The following HPR variants were observed in gnomAD, a reference collection of about 807,000 sequenced individuals.
The protein encoded by HPR is Haptoglobin-related locus.
HPR carries 17 observed loss-of-function variants against 18.5 expected under a neutral mutation model. The observed-to-expected ratio is 0.92, with a 90% CI of 0.63 to 1.38. The LOEUF is 1.38. HPR is among the 40% of genes most tolerant of loss of function. The pLI, the probability that HPR is intolerant of heterozygous loss-of-function variation, is 0.00. For missense variants in HPR, 457 were observed against 432.4 expected, an observed-to-expected ratio of 1.06 and a Z score of -0.51; for synonymous variants, 176 against 165.0, an observed-to-expected ratio of 1.07 and a Z score of -0.51.
At chr16:72,063,647 G>A (rs1294371395) in intron 1 of HPR, among the ~76,000 whole-genome samples, 1 of 152,084 alleles carries the variant, frequency 6.6e-6, no homozygotes, top group Admixed American at 6.6e-5. Flanking sequence ...TAATTGACTA[G>A]TACTTGGGAT....
At chr16:72,072,767 G>A (rs1274145358) in intron 1 of HPR, among the ~76,000 whole-genome samples, 2 of 152,084 alleles carry the variant, frequency 1.3e-5, no homozygotes, top group Non-Finnish European at 2.9e-5. Context: ...GTTCCAGTGA[G>A]CTTTTTCTTT....
At chr16:72,068,765 G>A (rs2041623857) in intron 1 of HPR, among the ~76,000 whole-genome samples, 1 of 151,980 alleles carries the variant, frequency 6.6e-6, no homozygotes, top group African/African-American at 2.4e-5. Context: ...TTAACCTTTG[G>A]GTGGAGATTA....
intron 1 of HPR, among the ~76,000 whole-genome samples, chr16:72,072,417 G>A (rs779543297): frequency 2.0e-5 from 3 of 152,162 alleles, no homozygotes; most frequent in Non-Finnish European, 2.9e-5. Context: ...TGATACCAGC[G>A]AAAGAGGGTG....
At chr16:72,069,532 C>T (rs576977123) in intron 1 of HPR, among the ~76,000 whole-genome samples, 8 of 152,176 alleles carry the variant, frequency 5.3e-5, no homozygotes, top group East Asian at 1.9e-4. Context: ...AGAATGAAAA[C>T]GGCTGTTACT....
chr16:72,074,336 G>A lies in HPR; in HGVS notation c.144G>A (p.Leu48=). The A allele has an allele frequency of 6.2e-7, 1 of 1,614,110 alleles. No homozygotes were observed. Among genetic ancestry groups the A allele is most frequent in the Non-Finnish European group, 8.5e-7 (1 of 1,180,018 alleles). Residue 48 remains leucine (L), a synonymous_variant, in exon 3 of 5, where the codon TTG becomes TTA. Transcript: ENST00000540303. The stretch of plus-strand genomic sequence containing the variant: ...TTGCAAATGGCTATGTGGAGCACTT[G>A]TTTCGCTACCAGTGTAAGAACTACT... ...PEIANGYVEH[L]FRYQCKNYYR...
At chr16:72,075,303 T>C in intron 4 of HPR, 84 bp downstream of exon 4, 3 of 689,108 alleles carry the variant, frequency 4.4e-6, no homozygotes, top group Non-Finnish European at 7.6e-6. Flanking sequence ...CCAGTGCGGC[T>C]TCCTCTGAGC....
intron 1 of HPR, among the ~76,000 whole-genome samples, chr16:72,069,136 A>C (rs2041628883): frequency 6.6e-6 from 1 of 152,140 alleles, no homozygotes; most frequent in Non-Finnish European, 1.5e-5. Context: ...CAAGCCTTAA[A>C]GCACTTGCAA....
At chr16:72,067,044 T>G (rs999832645) in intron 1 of HPR, among the ~76,000 whole-genome samples, 2 of 151,854 alleles carry the variant, frequency 1.3e-5, no homozygotes, top group African/African-American at 4.8e-5. Flanking sequence ...ATCCCAAAAC[T>G]GAGAGAGGGG....
At chr16:72,070,540 T>C (rs1344519693) in intron 1 of HPR, among the ~76,000 whole-genome samples, 1 of 152,182 alleles carries the variant, frequency 6.6e-6, no homozygotes, top group African/African-American at 2.4e-5. Context: ...AAAAAGGCGC[T>C]GCCACCTCCA....
chr16:72,064,915 T>G (rs1447779042), intron 1 of HPR, among the ~76,000 whole-genome samples: 1 of 152,182 alleles, frequency 6.6e-6, no homozygotes, highest in Non-Finnish European at 1.5e-5. Flanking sequence ...GTCTGATGAA[T>G]AACCCCAGAC....
In HPR at chr16:72,074,431, T is replaced by G. The variant is rs1160204344; in HGVS notation, c.193+46T>G. 2.7e-6 allele frequency: 4 copies of G among 1,463,690 alleles called. No individual in the cohort carries two copies. In the African/African-American group the frequency reaches 5.5e-5, roughly 20 times the overall value. The allele number at this position is 1,463,690 out of a possible 1,614,324, so 90.7% of individuals were successfully genotyped here. ...TCTGTGCTCTACCTACAACCCCTGC[T>G]CTGACATTTCCATGATGGGTGGTGC... On this transcript the variant is annotated intron_variant, in intron 3 of 4. Transcript: ENST00000540303.
chr16:72,074,079 C>T (rs1045626530), intron 2 of HPR, 102 bp downstream of exon 2: 1 of 1,489,852 alleles, frequency 6.7e-7, no homozygotes, highest in African/African-American at 1.4e-5. Flanking sequence ...CACAGTTCCC[C>T]ATTCTTATCC....
chr16:72,065,614 C>G (rs2041589781), intron 1 of HPR, among the ~76,000 whole-genome samples: 1 of 152,150 alleles, frequency 6.6e-6, no homozygotes. Context: ...GACCCAAGGT[C>G]CCATCCTCAA....
At chr16:72,065,332 T>A (rs1222245460) in intron 1 of HPR, among the ~76,000 whole-genome samples, 1 of 151,494 alleles carries the variant, frequency 6.6e-6, no homozygotes, top group Non-Finnish European at 1.5e-5. Context: ...CACAGAAAGC[T>A]CCAGACAGAT....
chr16:72,066,845 C>A (rs535485919), intron 1 of HPR, among the ~76,000 whole-genome samples: 2 of 152,212 alleles, frequency 1.3e-5, no homozygotes, highest in South Asian at 4.1e-4. Context: ...AAGTCAAAAC[C>A]AATGTTATCT....
At chr16:72,067,368 G>A (rs1206831263) in intron 1 of HPR, among the ~76,000 whole-genome samples, 2 of 152,106 alleles carry the variant, frequency 1.3e-5, no homozygotes, top group Non-Finnish European at 2.9e-5. Flanking sequence ...AAGGATTTAC[G>A]GTGAGAATCT....
intron 1 of HPR, among the ~76,000 whole-genome samples, chr16:72,067,278 G>A (rs1256346145): frequency 2.6e-5 from 4 of 152,098 alleles, no homozygotes; most frequent in African/African-American, 7.2e-5. Flanking sequence ...ATTCAGGAGC[G>A]GCCTGTTCCT....
chr16:72,068,191 C>G (rs560703831), intron 1 of HPR, among the ~76,000 whole-genome samples: 1 of 152,176 alleles, frequency 6.6e-6, no homozygotes, highest in South Asian at 2.1e-4. Flanking sequence ...GCTGGCTTCT[C>G]TACACATATT....
rs750711817 is a variant in HPR at position 72,076,700 on chromosome 16, C to T, written c.666C>T (p.Tyr222=). ...KNYAEVGRVG[Y]VSGWGQSDNF... Reference sequence around the variant, plus strand: ...ATGCAGAAGTAGGGCGTGTGGGTTACGTGTCTGGCTGGGGACAAAGTGACA... The same window carrying T: ...ATGCAGAAGTAGGGCGTGTGGGTTATGTGTCTGGCTGGGGACAAAGTGACA... The change falls in exon 5 of 5, where the codon TAC becomes TAT. Residue 222 remains tyrosine, a synonymous_variant. Coordinates refer to ENST00000540303, the MANE Select transcript of HPR (RefSeq NM_020995.4). The T allele has an allele frequency of 3.7e-5, 59 of 1,614,058 alleles. 1 individual carries two copies. The highest frequency in any genetic ancestry group is 8.8e-5 in the South Asian group (8 of 91,092).
Sources: allele counts gnomAD v4.1 joint callset (sites outside exome capture counted in the v4.1 genomes callset), GRCh38; gene constraint gnomAD v4.1.1; transcripts MANE v1.5; gene names NCBI Gene and HGNC (gene_info 2026-07-23, HGNC 2026-07-21).